The following C4orf50 variants were observed in gnomAD, a reference collection of about 807,000 sequenced individuals.
The protein encoded by C4orf50 is uncharacterized protein C4orf50.
In C4orf50, 80 loss-of-function variants were observed where a neutral mutation model predicts 77.2. The ratio of observed to expected loss-of-function variants is 1.04; its 90% confidence interval spans 0.87 to 1.25. C4orf50 has a LOEUF of 1.25. Among genes scored for constraint, C4orf50 ranks in the 50% most tolerant of loss-of-function variants. The pLI is 0.00. For missense variants in C4orf50, 1,257 were observed against 1,152.9 expected, an observed-to-expected ratio of 1.09 and a Z score of -1.31; for synonymous variants, 532 against 465.3, an observed-to-expected ratio of 1.14 and a Z score of -1.84.
At chr4:5,910,968 T>C (rs1461437035) in intron 7 of C4orf50, among the ~76,000 whole-genome samples, 1 of 146,968 alleles carries the variant, frequency 6.8e-6, no homozygotes, top group Non-Finnish European at 1.5e-5. Context: ...TGCGGTGGTG[T>C]GAACTTGGCT....
downstream of C4orf50, among the ~76,000 whole-genome samples, chr4:5,955,895 G>C (rs1004974923): frequency 2.0e-5 from 3 of 152,132 alleles, no homozygotes; most frequent in Non-Finnish European, 4.4e-5. The surrounding 1 kb of genome is among the most constrained non-coding windows in gnomAD (Gnocchi z 5.1). Flanking sequence ...GGCAGGGTTG[G>C]GGGCCCCAGG....
chr4:5,951,538 T>C (rs1718719946), intron 7 of C4orf50, among the ~76,000 whole-genome samples: 1 of 152,138 alleles, frequency 6.6e-6, no homozygotes, highest in African/African-American at 2.4e-5. Context: ...AGCAAAGAAA[T>C]ACAAATGTGA....
rs1389383281 is a variant in C4orf50, at chr4:5,992,693, G to A, written c.1221+110C>T. The A allele has an allele frequency of 1.0e-5, 4 of 397,950 alleles. No homozygotes were observed. Among genetic ancestry groups the A allele is most frequent in the Non-Finnish European group, 1.8e-5 (4 of 225,904 alleles). 24.7% of individuals were successfully genotyped at this position (397,950 alleles called of 1,614,324 possible). On this transcript the variant is annotated intron_variant, in intron 27 of 33. Coordinates refer to ENST00000531445, the Ensembl canonical transcript of C4orf50. This position sits in a 1 kb window ranked among gnomAD's most constrained non-coding sequence, Gnocchi z 5.0. Reference sequence around the variant, plus strand: ...CTTCCAGAATGTTCTCCCAGACCTGGAGCTTCTTTACCCCTCCCACATCCT... The same window carrying A: ...CTTCCAGAATGTTCTCCCAGACCTGAAGCTTCTTTACCCCTCCCACATCCT...
At chr4:5,967,514 C>T (rs767737739) in intron 31 of C4orf50, 52 bp from the exon 10 acceptor site, 3 of 1,542,736 alleles carry the variant, frequency 1.9e-6, no homozygotes, top group Non-Finnish European at 1.8e-6. Context: ...GGAGAGACAG[C>T]CTTGCACAGA....
intron 25 of C4orf50, among the ~76,000 whole-genome samples, chr4:6,004,080 G>GTGATGGTGA (rs1722039679): frequency 3.3e-5 from 1 of 30,208 alleles, no homozygotes; most frequent in African/African-American, 1.4e-4. Flanking sequence ...TGGTGATGAT[G>GTGATGGTGA]TGATAGTGAT....
chr4:5,923,097 C>G (rs899009812), intron 7 of C4orf50, among the ~76,000 whole-genome samples: 3 of 152,168 alleles, frequency 2.0e-5, no homozygotes, highest in Non-Finnish European at 4.4e-5. Context: ...CGCGATTTTC[C>G]CTGTTCCAGG....
At chr4:6,002,916 A>G (rs976956632) in intron 25 of C4orf50, among the ~76,000 whole-genome samples, 3 of 152,226 alleles carry the variant, frequency 2.0e-5, no homozygotes, top group Non-Finnish European at 4.4e-5. Flanking sequence ...ACAGGAGGAC[A>G]CCTACCTGGC....
exon 8 of C4orf50, chr4:5,898,171 G>C (rs1716205673): frequency 6.6e-6 from 1 of 152,166 alleles, no homozygotes; most frequent in Non-Finnish European, 1.5e-5. Flanking sequence ...AGTCCACAGA[G>C]GTTCTACCAA....
intron 7 of C4orf50, among the ~76,000 whole-genome samples, chr4:5,934,155 G>A (rs1447196758): frequency 6.6e-6 from 1 of 152,108 alleles, no homozygotes; most frequent in Non-Finnish European, 1.5e-5. Context: ...GTAAGAAGGG[G>A]TGAGCAGCTC....
chr4:5,925,107 G>T (rs1369272959), intron 7 of C4orf50, among the ~76,000 whole-genome samples: 1 of 152,136 alleles, frequency 6.6e-6, no homozygotes, highest in Non-Finnish European at 1.5e-5. Flanking sequence ...TGTTGGTCTG[G>T]GCCACTTGGG....
chr4:5,991,453 C>T (rs1021371234), intron 27 of C4orf50, among the ~76,000 whole-genome samples: 1 of 152,176 alleles, frequency 6.6e-6, no homozygotes, highest in Non-Finnish European at 1.5e-5. Flanking sequence ...AACTCCTGGG[C>T]CTAGAACAGT....
chr4:5,906,984 G>A (rs1716576859), intron 7 of C4orf50, among the ~76,000 whole-genome samples: 2 of 152,168 alleles, frequency 1.3e-5, no homozygotes, highest in Non-Finnish European at 2.9e-5. Context: ...TGAATTCAGT[G>A]TTCATGAGGC....
intron 7 of C4orf50, among the ~76,000 whole-genome samples, chr4:5,914,405 C>T (rs913526703): frequency 3.3e-5 from 5 of 151,862 alleles, no homozygotes; most frequent in African/African-American, 4.8e-5. Flanking sequence ...GGGGTTTCAC[C>T]GTGTTGGCCA....
At chr4:5,906,867 A>G (rs1388920111) in intron 7 of C4orf50, among the ~76,000 whole-genome samples, 1 of 152,232 alleles carries the variant, frequency 6.6e-6, no homozygotes, top group Non-Finnish European at 1.5e-5. Flanking sequence ...AACCAGATTT[A>G]AATCCTTGAA....
rs1722401966 is a variant in C4orf50, at chr4:6,009,552, T to A, written c.427-1020A>T. ...CTTCCTGAAGGCGTGTATTCTGTAA[T>A]GATCTTTGCATGGTGCCCGGTGGAG... On this transcript the variant is annotated intron_variant, in intron 24 of 33. Coordinates refer to ENST00000531445, the Ensembl canonical transcript of C4orf50. The surrounding 1 kb of genome is among the most constrained non-coding windows in gnomAD (Gnocchi z 5.6). Among the ~76,000 whole-genome samples the A allele has an allele frequency of 6.6e-6, 1 of 152,198 alleles. No individual in the cohort carries two copies. Among genetic ancestry groups the A allele is most frequent in the South Asian group, 2.1e-4 (1 of 4,826 alleles).
In C4orf50 at chr4:6,011,275, G is replaced by A. The variant is rs1560603811; in HGVS notation, c.426+555C>T. Among the ~76,000 whole-genome samples, 2 of 152,060 alleles carry A rather than the reference G, an allele frequency of 1.3e-5. No individual in the cohort carries two copies. The highest frequency in any genetic ancestry group is 6.5e-5 in the Admixed American group (1 of 15,270). On this transcript the variant is annotated intron_variant, in intron 24 of 33. Coordinates refer to ENST00000531445, the Ensembl canonical transcript of C4orf50. The surrounding 1 kb of genome is among the most constrained non-coding windows in gnomAD (Gnocchi z 4.2). ...CCACCTGGCCCCTCTGGAACTTTCC[G>A]ACTCACCCACTCCGTCCCCAGCACG...
rs1418062623 is a variant in C4orf50 at position 6,011,968 on chromosome 4, T to C, written c.288A>G (p.Arg96=). The C allele has an allele frequency of 5.0e-6, 2 of 398,938 alleles. No individual in the cohort carries two copies. Among genetic ancestry groups the C allele is most frequent in the Non-Finnish European group, 8.8e-6 (2 of 226,086 alleles). 24.7% of individuals were successfully genotyped at this position (398,938 alleles called of 1,614,324 possible). A position where few individuals can be genotyped will look rare whatever the true frequency, so the allele number is the denominator to read the frequency against. Reference sequence around the variant, plus strand: ...TTTCTGACAGCTCCAGCTCCTGAATTCTGCAGCATGAAAAGCAGGGAGGCA... The same window carrying C: ...TTTCTGACAGCTCCAGCTCCTGAATCCTGCAGCATGAAAAGCAGGGAGGCA... The change falls in exon 24 of 34, where the codon AGA becomes AGG. Residue 96 remains arginine (R), a splice_region_variant and synonymous_variant. Coordinates refer to ENST00000531445, the Ensembl canonical transcript of C4orf50. This position sits in a 1 kb window ranked among gnomAD's most constrained non-coding sequence, Gnocchi z 4.2.
At position 6,007,223 on chromosome 4, in the gene C4orf50, TG is replaced by T. The variant is rs1048718722; in HGVS notation, c.963+772del. Among the ~76,000 whole-genome samples, 6 of 151,962 alleles carry T rather than the reference TG, an allele frequency of 3.9e-5. No individual in the cohort carries two copies. The highest frequency in any genetic ancestry group is 1.3e-4 in the Admixed American group (2 of 15,274). ...GAACGTGGCTAGACAAGTGGGTGGG[TG>T]AGTGCTGGGGTCTGAATGGCTGTGT... On this transcript the variant is annotated intron_variant, in intron 25 of 33. Coordinates refer to ENST00000531445, the Ensembl canonical transcript of C4orf50. This position sits in a 1 kb window ranked among gnomAD's most constrained non-coding sequence, Gnocchi z 4.1.
In C4orf50 at chr4:6,008,765, C is replaced by T. The variant is rs911453640; in HGVS notation, c.427-233G>A. Among the ~76,000 whole-genome samples the T allele has an allele frequency of 2.6e-5, 4 of 152,212 alleles. No homozygotes were observed. The highest frequency in any genetic ancestry group is 4.4e-5 in the Non-Finnish European group (3 of 68,032). On this transcript the variant is annotated intron_variant, in intron 24 of 33. Coordinates refer to ENST00000531445, the Ensembl canonical transcript of C4orf50. This position sits in a 1 kb window ranked among gnomAD's most constrained non-coding sequence, Gnocchi z 6.0. ...CATCCACCCTAGTCTGGGCCCTGCA[C>T]CTTCAACAGCTCCCTGAGTCCTGGA...
Sources: allele counts gnomAD v4.1 joint callset (sites outside exome capture counted in the v4.1 genomes callset), GRCh38; gene constraint gnomAD v4.1.1; non-coding constraint Gnocchi (gnomAD v3.1); transcripts MANE v1.5; gene names NCBI Gene and HGNC (gene_info 2026-07-23, HGNC 2026-07-21).